SGCD: variants seen among roughly 807,000 people sequenced by gnomAD.
SGCD encodes sarcoglycan delta.
Under a neutral mutation model 36.6 loss-of-function variants are expected in SGCD, and 18 were observed. That is an observed-to-expected ratio of 0.49 (90% CI 0.34 to 0.73). SGCD has a LOEUF of 0.73. Among genes scored for constraint, SGCD ranks in the 30% least tolerant of loss-of-function variants. SGCD has a pLI of 0.01. For synonymous variants in SGCD, 133 were observed against 130.6 expected (o/e 1.02, Z -0.12); for missense variants, 387 against 346.7 (o/e 1.12, Z -0.92).
At chr5:156,687,338 A>G (rs1223684555) in intron 7 of SGCD, among the ~76,000 whole-genome samples, 1 of 152,196 alleles carries the variant, frequency 6.6e-6, no homozygotes, top group Admixed American at 6.5e-5. Context: ...TTAAAAAGAC[A>G]CATTCAAGTG....
intron 3 of SGCD, among the ~76,000 whole-genome samples, chr5:156,259,154 T>A (rs79215065): frequency 1.7e-5 from 2 of 118,394 alleles, no homozygotes; most frequent in African/African-American, 3.1e-5. Flanking sequence ...TTATTTATTT[T>A]AACCATCCTT....
chr5:156,185,114 T>C (rs1311846917), intron 3 of SGCD, among the ~76,000 whole-genome samples: 5 of 152,152 alleles, frequency 3.3e-5, no homozygotes, highest in African/African-American at 1.2e-4. Context: ...AATTGAAATG[T>C]TTGTGTTTTG....
chr5:156,547,593 T>TC (rs1758631002), intron 4 of SGCD, among the ~76,000 whole-genome samples: 1 of 151,810 alleles, frequency 6.6e-6, no homozygotes, highest in African/African-American at 2.4e-5. Context: ...CAGGTGCCCA[T>TC]CACAATGCCC....
intron 3 of SGCD, among the ~76,000 whole-genome samples, chr5:156,129,835 G>C (rs760640803): frequency 1.2e-4 from 18 of 152,168 alleles, no homozygotes; most frequent in Admixed American, 7.9e-4. Flanking sequence ...CTTTTTTATG[G>C]CTGCATAGGA....
intron 3 of SGCD, among the ~76,000 whole-genome samples, chr5:156,188,041 G>C (rs981775134): frequency 1.3e-5 from 2 of 152,142 alleles, no homozygotes; most frequent in Non-Finnish European, 2.9e-5. Flanking sequence ...TGTCATGTTC[G>C]GGGTCATGCT....
intron 4 of SGCD, among the ~76,000 whole-genome samples, chr5:156,522,262 C>T (rs1757441895): frequency 6.6e-6 from 1 of 152,014 alleles, no homozygotes; most frequent in Admixed American, 6.6e-5. Context: ...TTGATGGGTG[C>T]AGCAAATCAA....
intron 7 of SGCD, among the ~76,000 whole-genome samples, chr5:156,713,243 C>G (rs1407167368): frequency 6.6e-6 from 1 of 152,122 alleles, no homozygotes; most frequent in Admixed American, 6.5e-5. Flanking sequence ...ATAAAATAAA[C>G]TGGCAATAGA....
intron 3 of SGCD, among the ~76,000 whole-genome samples, chr5:156,241,287 T>TGC (rs1554086607): frequency 6.7e-6 from 1 of 148,480 alleles, no homozygotes; most frequent in East Asian, 2.1e-4. Context: ...TGTGTGTGTG[T>TGC]GCATGTATGT....
chr5:156,194,049 T>C (rs547510740), intron 3 of SGCD, among the ~76,000 whole-genome samples: 1 of 152,330 alleles, frequency 6.6e-6, no homozygotes, highest in African/African-American at 2.4e-5. Flanking sequence ...AAATAAACTC[T>C]GTCATTAGAA....
chr5:156,495,697 G>A (rs1012611094), intron 3 of SGCD, among the ~76,000 whole-genome samples: 12 of 152,144 alleles, frequency 7.9e-5, no homozygotes, highest in Non-Finnish European at 1.8e-4. Context: ...ACTTGGCATA[G>A]GCCTAATCAT....
intron 3 of SGCD, among the ~76,000 whole-genome samples, chr5:156,418,667 A>G (rs1449641167): frequency 1.3e-5 from 2 of 152,214 alleles, no homozygotes; most frequent in African/African-American, 2.4e-5. Context: ...CTATTTTTAC[A>G]AAGAAATAGA....
chr5:155,961,051 T>C (rs17053068), intron 1 of SGCD, among the ~76,000 whole-genome samples: 35,831 of 152,020 alleles, frequency 0.24, 5,225 homozygotes, highest in South Asian at 0.38. Flanking sequence ...AAGCACACTT[T>C]CCTTTTGTTA....
intron 3 of SGCD, among the ~76,000 whole-genome samples, chr5:156,146,553 T>G (rs1337812506): frequency 6.6e-6 from 1 of 152,216 alleles, no homozygotes; most frequent in Admixed American, 6.5e-5. Flanking sequence ...TTTAGACATA[T>G]TACTTAACAT....
At chr5:156,114,200 T>G (rs1456252051) in intron 1 of SGCD, among the ~76,000 whole-genome samples, 1 of 152,118 alleles carries the variant, frequency 6.6e-6, no homozygotes, top group Non-Finnish European at 1.5e-5. Flanking sequence ...GTAAGAAATG[T>G]AGCACGCCAG....
At chr5:155,955,451 G>T (rs1020427764) in intron 1 of SGCD, among the ~76,000 whole-genome samples, 2 of 152,132 alleles carry the variant, frequency 1.3e-5, no homozygotes, top group Non-Finnish European at 2.9e-5. Flanking sequence ...AAATAGTTCA[G>T]ATTTGGGCAT....
chr5:156,303,220 T>G (rs1276544190), intron 3 of SGCD, among the ~76,000 whole-genome samples: 2 of 152,130 alleles, frequency 1.3e-5, no homozygotes, highest in Non-Finnish European at 2.9e-5. Flanking sequence ...TTCCCTCCCT[T>G]TTCCATAAGC....
intron 1 of SGCD, among the ~76,000 whole-genome samples, chr5:155,874,016 T>C (rs1755712347): frequency 6.6e-6 from 1 of 152,138 alleles, no homozygotes; most frequent in Middle Eastern, 3.2e-3. Flanking sequence ...CTTTGAACAT[T>C]TACACCATTG....
intron 1 of SGCD, among the ~76,000 whole-genome samples, chr5:156,101,818 A>C (rs1272874658): frequency 6.6e-6 from 1 of 152,104 alleles, no homozygotes; most frequent in Non-Finnish European, 1.5e-5. Flanking sequence ...CGAAAATCTT[A>C]GAGTGGAATC....
chr5:155,931,012 C>G (rs1757088781), intron 1 of SGCD, among the ~76,000 whole-genome samples: 1 of 152,046 alleles, frequency 6.6e-6, no homozygotes, highest in Non-Finnish European at 1.5e-5. Context: ...GTTGCCAAAG[C>G]ACTCTGATCT....
Sources: allele counts gnomAD v4.1 joint callset (sites outside exome capture counted in the v4.1 genomes callset), GRCh38; gene constraint gnomAD v4.1.1; transcripts MANE v1.5; gene names NCBI Gene and HGNC (gene_info 2026-07-23, HGNC 2026-07-21).